CACNA2D4: variants seen among roughly 807,000 people sequenced by gnomAD.
The protein encoded by CACNA2D4 is voltage-dependent calcium channel subunit alpha-2/delta-4.
A neutral mutation model predicts 163.8 loss-of-function variants in CACNA2D4; 157 were observed. The ratio of observed to expected loss-of-function variants is 0.96; its 90% confidence interval spans 0.84 to 1.09. CACNA2D4 has a LOEUF of 1.09. Among genes scored for constraint, CACNA2D4 ranks in the 50% least tolerant of loss-of-function variants. The pLI is 0.00. For missense variants in CACNA2D4, 1,410 were observed against 1,479.9 expected, an observed-to-expected ratio of 0.95 and a Z score of 0.78; for synonymous variants, 598 against 586.9, an observed-to-expected ratio of 1.02 and a Z score of -0.27.
chr12:1,826,322 T>C (rs1864313899), intron 26 of CACNA2D4, among the ~76,000 whole-genome samples: 1 of 152,028 alleles, frequency 6.6e-6, no homozygotes, highest in Non-Finnish European at 1.5e-5. Context: ...GCGGTCACCA[T>C]TTCTAGACAG....
At chr12:1,861,793 AT>A (rs563053783) in intron 18 of CACNA2D4, among the ~76,000 whole-genome samples, 2 of 152,026 alleles carry the variant, frequency 1.3e-5, no homozygotes, top group South Asian at 4.2e-4. Flanking sequence ...TCTTCCATGT[AT>A]TACCTAATTA....
intron 8 of CACNA2D4, 80 bp from the exon 9 acceptor site, chr12:1,886,119 C>T (rs1306242710): frequency 6.5e-7 from 1 of 1,536,312 alleles, no homozygotes; most frequent in South Asian, 1.1e-5. Flanking sequence ...AGCAAAGACA[C>T]TCATGCAGGT....
rs1864516506 is a variant in CACNA2D4, at chr12:1,829,402, G to A, written c.2551+11337C>T. Among the ~76,000 whole-genome samples the A allele has an allele frequency of 1.3e-5, 2 of 152,142 alleles. No individual in the cohort carries two copies. The highest frequency in any genetic ancestry group is 6.5e-5 in the Admixed American group (1 of 15,282). On this transcript the variant is annotated intron_variant, in intron 26 of 37. Transcript: ENST00000382722. This position sits in a 1 kb window ranked among gnomAD's most constrained non-coding sequence, Gnocchi z 4.2. ...CAGACGGGCTCAGAGGGGTGAGAGG[G>A]TGAGCGGAGACATGAGGTAACCCAA...
rs1405178646 is a variant in CACNA2D4, at chr12:1,802,821, C to T, written c.2722-1177G>A. 1.3e-5 allele frequency among the ~76,000 whole-genome samples: 2 copies of T among 152,186 alleles called. No homozygotes were observed. Among genetic ancestry groups the T allele is most frequent in the African/African-American group, 2.4e-5 (1 of 41,450 alleles). On this transcript the variant is annotated intron_variant, in intron 29 of 37. Coordinates refer to ENST00000382722, the MANE Select transcript of CACNA2D4 (RefSeq NM_172364.5). The surrounding 1 kb of genome is among the most constrained non-coding windows in gnomAD (Gnocchi z 4.7). ...AGTCTTTCTATTCTAACTTTCCCAG[C>T]CAGAACAAGGCCTTCCTCTGCACAC...
intron 18 of CACNA2D4, among the ~76,000 whole-genome samples, chr12:1,865,749 C>A (rs1386286212): frequency 6.6e-6 from 1 of 152,108 alleles, no homozygotes; most frequent in Non-Finnish European, 1.5e-5. Context: ...GGAACCGGGG[C>A]GCGGGGAGGC....
intron 5 of CACNA2D4, 146 bp downstream of exon 5, chr12:1,907,729 G>T: frequency 8.3e-7 from 1 of 1,197,640 alleles, no homozygotes; most frequent in African/African-American, 1.6e-5. Flanking sequence ...CGGCCTGGTG[G>T]GCGTGCCTGG....
chr12:1,793,879 G>A lies in CACNA2D4; in HGVS notation c.3310-120C>T, dbSNP rs564998232. On this transcript the variant is annotated intron_variant, in intron 37 of 37. Coordinates refer to ENST00000382722, the MANE Select transcript of CACNA2D4 (RefSeq NM_172364.5). ...GGAAAGGGGAGTTTTGGAAAGCCGG[G>A]GAAGCACTGCTACCTCTCTTAGGCC... is the stretch of plus-strand genomic sequence containing the variant. 7.2e-5 allele frequency: 53 copies of A among 736,014 alleles called. No homozygotes were observed. The African/African-American group carries it at 8.9e-4, about 12-fold the overall frequency. 45.6% of individuals were successfully genotyped at this position (736,014 alleles called of 1,614,324 possible). A position where few individuals can be genotyped will look rare whatever the true frequency, so the allele number is the denominator to read the frequency against.
intron 23 of CACNA2D4, among the ~76,000 whole-genome samples, chr12:1,852,210 C>T (rs528585064): frequency 2.7e-4 from 41 of 152,194 alleles, no homozygotes; most frequent in African/African-American, 9.4e-4. Context: ...TTCTAATTGC[C>T]TCTGCTTGCT....
At position 1,911,148 on chromosome 12, in the gene CACNA2D4, C is replaced by T. The variant is rs186257447; in HGVS notation, c.427-1183G>A. Among the ~76,000 whole-genome samples the T allele has an allele frequency of 1.6e-3, 240 of 151,546 alleles. 3 individuals are homozygous for T. Among genetic ancestry groups the T allele is most frequent in the East Asian group, 0.013 (65 of 5,158 alleles). Reference sequence around the variant, plus strand: ...AAGCGATTCTCCTGCCTCAGACTCCCGAGTAGCTGGGACTACAGGCACCCA... The same window carrying T: ...AAGCGATTCTCCTGCCTCAGACTCCTGAGTAGCTGGGACTACAGGCACCCA... On this transcript the variant is annotated intron_variant, in intron 3 of 37. Coordinates refer to ENST00000382722, the MANE Select transcript of CACNA2D4 (RefSeq NM_172364.5).
chr12:1,853,531 C>T (rs1056630983), intron 23 of CACNA2D4, among the ~76,000 whole-genome samples: 2 of 152,080 alleles, frequency 1.3e-5, no homozygotes, highest in Non-Finnish European at 2.9e-5. Flanking sequence ...CACACACATG[C>T]CCTACACTCA....
rs901376220 is a variant in CACNA2D4 at position 1,846,639 on chromosome 12, A to T, written c.2297T>A (p.Leu766His). The stretch of plus-strand genomic sequence containing the variant: ...GCCCACGAACAAGCTGCTTCTCAGG[A>T]GGCCAGCCCGGGTGCCCAGGAAGGC... ...DMAFLGTRAG[L>H]LRSSLFVGSE... Residue 766 changes from leucine to histidine, a missense_variant, in exon 24 of 38, where the codon CTC becomes CAC. Leu to His is a moderately conservative substitution (Grantham distance 99). Coordinates refer to ENST00000382722, the MANE Select transcript of CACNA2D4 (RefSeq NM_172364.5). 3 of 1,605,036 alleles carry T rather than the reference A, an allele frequency of 1.9e-6. No individual in the cohort carries two copies. The Admixed American group carries it at 5.1e-5, about 27-fold the overall frequency.
At chr12:1,858,507 C>T in intron 20 of CACNA2D4, 70 bp downstream of exon 20, 3 of 1,423,940 alleles carry the variant, frequency 2.1e-6, no homozygotes, top group East Asian at 2.4e-5. Flanking sequence ...TGGGGTTGGC[C>T]CTGCCCAGTG....
In CACNA2D4 at chr12:1,841,557, C is replaced by T. The variant is rs905397259; in HGVS notation, c.2471-738G>A. ...TGGTTCTGACTGGGGCTGGCTACTT[C>T]GGGGCCTCAGGCTTCTTAATTCTCA... is the stretch of plus-strand genomic sequence containing the variant. On this transcript the variant is annotated intron_variant, in intron 25 of 37. Coordinates refer to ENST00000382722, the MANE Select transcript of CACNA2D4 (RefSeq NM_172364.5). 3.1e-4 allele frequency among the ~76,000 whole-genome samples: 47 copies of T among 152,338 alleles called. 1 individual carries two copies. Among genetic ancestry groups the T allele is most frequent in the Middle Eastern group, 6.8e-3 (2 of 294 alleles).
At position 1,833,736 on chromosome 12, in the gene CACNA2D4, G is replaced by A. The variant is rs766091946; in HGVS notation, c.2551+7003C>T. The stretch of plus-strand genomic sequence containing the variant: ...AAAAGGTCTTGCGTGGAGGGGCAGC[G>A]GCAGGGGCAGTGGGTTTTGACTGCT... On this transcript the variant is annotated intron_variant, in intron 26 of 37. Coordinates refer to ENST00000382722, the MANE Select transcript of CACNA2D4 (RefSeq NM_172364.5). This position sits in a 1 kb window ranked among gnomAD's most constrained non-coding sequence, Gnocchi z 4.2. Among the ~76,000 whole-genome samples, 3 of 152,216 alleles carry A rather than the reference G, an allele frequency of 2.0e-5. No homozygotes were observed. Among genetic ancestry groups the A allele is most frequent in the South Asian group, 2.1e-4 (1 of 4,832 alleles).
At chr12:1,914,234 G>A (rs1866904602) in intron 2 of CACNA2D4, among the ~76,000 whole-genome samples, 2 of 152,240 alleles carry the variant, frequency 1.3e-5, no homozygotes, top group African/African-American at 2.4e-5. Flanking sequence ...AGCTCTTAGT[G>A]AGTGGCAATG....
At chr12:1,899,440 A>G (rs941204304) in intron 6 of CACNA2D4, among the ~76,000 whole-genome samples, 1 of 152,176 alleles carries the variant, frequency 6.6e-6, no homozygotes. Context: ...AAAAATGCAT[A>G]ATACTGTAAA....
intron 29 of CACNA2D4, among the ~76,000 whole-genome samples, chr12:1,805,622 A>T (rs111232044): frequency 0.027 from 4,071 of 152,242 alleles, 110 homozygotes; most frequent in East Asian, 0.081. Flanking sequence ...CCTGGGAGGT[A>T]CGTGGAGGAG....
rs1441307226 is a variant in CACNA2D4, at chr12:1,820,391, C to A, written c.2552-8668G>T. The A allele has an allele frequency of 6.6e-6, 1 of 152,180 alleles. No homozygotes were observed. The highest frequency in any genetic ancestry group is 2.4e-5 in the African/African-American group (1 of 41,400). 9.4% of individuals were successfully genotyped at this position (152,180 alleles called of 1,614,324 possible). A position where few individuals can be genotyped will look rare whatever the true frequency, so the allele number is the denominator to read the frequency against. On this transcript the variant is annotated intron_variant, in intron 26 of 37. Transcript: ENST00000382722. The surrounding 1 kb of genome is among the most constrained non-coding windows in gnomAD (Gnocchi z 6.0). ...TGAGCGTGGCCAGGGTGAGCGCTGC[C>A]CTCGCGGCCGGCCGTGGTGCCTCTG...
At position 1,793,638 on chromosome 12, in the gene CACNA2D4, G is replaced by A; in HGVS notation, c.*17C>T. 3 of 1,608,902 alleles carry A rather than the reference G, an allele frequency of 1.9e-6. No individual in the cohort carries two copies. The Middle Eastern group carries it at 5.0e-4, about 266-fold the overall frequency. On this transcript the variant is annotated 3_prime_UTR_variant, in exon 38 of 38. Coordinates refer to ENST00000382722, the MANE Select transcript of CACNA2D4 (RefSeq NM_172364.5). ...GGAAGGATCACCTTGCCAAAACACA[G>A]GTCAGGCTGGGTGGTGTCACCGCAG...
Sources: allele counts gnomAD v4.1 joint callset (sites outside exome capture counted in the v4.1 genomes callset), GRCh38; gene constraint gnomAD v4.1.1; non-coding constraint Gnocchi (gnomAD v3.1); transcripts MANE v1.5; gene names NCBI Gene and HGNC (gene_info 2026-07-23, HGNC 2026-07-21).